The following PRRG2 variants were observed in gnomAD, a reference collection of about 807,000 sequenced individuals.
PRRG2 encodes the protein transmembrane gamma-carboxyglutamic acid protein 2.
PRRG2 carries 23 observed loss-of-function variants against 27.1 expected under a neutral mutation model. The ratio of observed to expected loss-of-function variants is 0.85; its 90% CI spans 0.61 to 1.20. The LOEUF is 1.20. Ranked by LOEUF, PRRG2 falls within the 50% of genes most tolerant of loss-of-function variation. The pLI is 0.00. For synonymous variants in PRRG2, 104 were observed against 103.4 expected (o/e 1.01, Z -0.03); for missense variants, 276 against 254.8 (o/e 1.08, Z -0.57).
Position 49,588,563 on chromosome 19 carries a change from T to C in PRRG2, c.368T>C (p.Leu123Pro), listed in dbSNP as rs970326314. 78 of 1,563,096 alleles carry C rather than the reference T, an allele frequency of 5.0e-5. No individual in the cohort carries two copies. Among genetic ancestry groups the C allele is most frequent in the Non-Finnish European group, 6.7e-5 (77 of 1,153,956 alleles). Residue 123 changes from leucine to proline, a missense_variant, in exon 5 of 7, where the codon CTG (leucine) becomes CCG (proline). By Grantham distance (98) the Leu-to-Pro change is moderately conservative (BLOSUM62 -3). Coordinates refer to ENST00000246794, the MANE Select transcript of PRRG2 (RefSeq NM_000951.3). The stretch of plus-strand genomic sequence containing the variant: ...ACAGGTGGCATCCTGCTCATTGTCC[T>C]GGCCGGCCTGGGAGCCTTTTGGTAT... ...GLTGGILLIV[L>P]AGLGAFWYLR...
At chr19:49,588,415 T>C in intron 4 of PRRG2, 82 bp from the exon 5 acceptor site, 1 of 1,522,434 alleles carries the variant, frequency 6.6e-7, no homozygotes, top group Non-Finnish European at 8.8e-7. Flanking sequence ...GTCCATTCTC[T>C]TCCCTCAGTG....
Position 49,588,731 on chromosome 19 carries a change from A to C in PRRG2, c.437+99A>C, listed in dbSNP as rs1252834791. The C allele has an allele frequency of 2.9e-6, 4 of 1,379,822 alleles. No homozygotes were observed. In the East Asian group the frequency reaches 1.1e-4, roughly 37 times the overall value. 85.5% of individuals were successfully genotyped at this position (1,379,822 alleles called of 1,614,324 possible). A position where few individuals can be genotyped will look rare whatever the true frequency, so the allele number is the denominator to read the frequency against. ...TGCTAAGGATTGGGGGCAGGCAGGC[A>C]CTGATGAAAGACCTAAGGACACAGT... On this transcript the variant is annotated intron_variant, in intron 5 of 6. Coordinates refer to ENST00000246794, the MANE Select transcript of PRRG2 (RefSeq NM_000951.3).
In PRRG2 at chr19:49,583,252, T is replaced by C. The variant is rs111259971; in HGVS notation, c.33T>C (p.Tyr11=). ...GCCACCCCTCTCTGCTGCTGCTATA[T>C]ATGGCATTAACCACCTGCCTGGATA... The part of the protein sequence containing the change: MRGHPSLLLL[Y]MALTTCLDTS... Residue 11 remains tyrosine (Y), a synonymous_variant, in exon 2 of 7, where the codon TAT becomes TAC. Coordinates refer to ENST00000246794, the MANE Select transcript of PRRG2 (RefSeq NM_000951.3). 1.2e-6 allele frequency: 2 copies of C among 1,614,152 alleles called. No homozygotes were observed. The highest frequency in any genetic ancestry group is 2.2e-5 in the South Asian group (2 of 91,082).
chr19:49,586,072 CAAAAAA>C (rs1171500009), intron 4 of PRRG2, among the ~76,000 whole-genome samples: 3 of 56,920 alleles, frequency 5.3e-5, no homozygotes, highest in Non-Finnish European at 9.9e-5. Flanking sequence ...AGAGTGTCTC[CAAAAAA>C]AAAAAAAAAA....
chr19:49,583,447 T>C, intron 2 of PRRG2, 95 bp from the exon 3 acceptor site: 1 of 1,526,460 alleles, frequency 6.6e-7, no homozygotes, highest in South Asian at 1.2e-5. Flanking sequence ...TCCCAGCCCC[T>C]GCTCCTTCCT....
chr19:49,586,917 C>T (rs1330522785), intron 4 of PRRG2, among the ~76,000 whole-genome samples: 1 of 152,104 alleles, frequency 6.6e-6, no homozygotes, highest in African/African-American at 2.4e-5. Context: ...AATCCCAGAA[C>T]TTTGGGAGGT....
Position 49,583,650 on chromosome 19 carries a change from G to T in PRRG2, c.194G>T (p.Arg65Leu), listed in dbSNP as rs148528739. 6.2e-7 allele frequency: 1 copy of T among 1,614,218 alleles called. No homozygotes were observed. Among genetic ancestry groups the T allele is most frequent in the Non-Finnish European group, 8.5e-7 (1 of 1,180,046 alleles). The change falls in exon 3 of 7, where the codon CGG becomes CTG. Residue 65 changes from arginine to leucine, a missense_variant. Transcript: ENST00000246794. The stretch of plus-strand genomic sequence containing the variant: ...CTGCTCACACCAGGGAACCTGGAAC[G>T]GGAGTGTCTGGAAGAGAGGTGTTCC... ...LELLTPGNLE[R>L]ECLEERCSWE...
chr19:49,587,561 C>T (rs1162733453), intron 4 of PRRG2, among the ~76,000 whole-genome samples: 2 of 149,664 alleles, frequency 1.3e-5, no homozygotes, highest in Non-Finnish European at 3.0e-5. Context: ...TCTCGGCTCA[C>T]TAAAACATCT....
chr19:49,589,426 C>CTTT (rs398059803), intron 5 of PRRG2, among the ~76,000 whole-genome samples: 3 of 132,356 alleles, frequency 2.3e-5, no homozygotes, highest in Non-Finnish European at 3.1e-5. Context: ...ACGCCTGGCC[C>CTTT]TTTTTTTTTT....
At chr19:49,587,589 C>T (rs1028601031) in intron 4 of PRRG2, among the ~76,000 whole-genome samples, 15 of 149,416 alleles carry the variant, frequency 1.0e-4, no homozygotes, top group African/African-American at 3.7e-4. Context: ...GGGTTCAAGT[C>T]ATTCGCCTGC....
In PRRG2 at chr19:49,589,446, TA is replaced by T. The variant is rs1489312333; in HGVS notation, c.438-447del. On this transcript the variant is annotated intron_variant, in intron 5 of 6. Coordinates refer to ENST00000246794, the MANE Select transcript of PRRG2 (RefSeq NM_000951.3). ...TGGCCCTTTTTTTTTTTTTTTTTTTTAAAAAAAGACAAAGTCTCACTCTGTT... is the reference window on the plus strand; with the variant it reads ...TGGCCCTTTTTTTTTTTTTTTTTTTTAAAAAAGACAAAGTCTCACTCTGTT... 6.8e-4 allele frequency among the ~76,000 whole-genome samples: 80 copies of T among 116,898 alleles called. 2 individuals are homozygous for T. Among genetic ancestry groups the T allele is most frequent in the African/African-American group, 1.5e-3 (36 of 24,070 alleles). The allele number at this position is 116,898 out of a possible 152,430, so 76.7% of individuals were successfully genotyped here. A position where few individuals can be genotyped will look rare whatever the true frequency, so the allele number is the denominator to read the frequency against.
rs376028949 is a variant in PRRG2 at position 49,585,306 on chromosome 19, G to A, written c.301+1354G>A. Among the ~76,000 whole-genome samples, 23 of 152,332 alleles carry A rather than the reference G, an allele frequency of 1.5e-4. No individual in the cohort carries two copies. In the South Asian group the frequency reaches 4.3e-3, roughly 29 times the overall value. On this transcript the variant is annotated intron_variant, in intron 4 of 6. Coordinates refer to ENST00000246794, the MANE Select transcript of PRRG2 (RefSeq NM_000951.3). ...CCCCCTTGTGGCCCGGTTGCTAGGG[G>A]TAGCTGCACCTTAGCAACAGGCCTA...
At chr19:49,580,682 T>G (rs1172783050), upstream of PRRG2, 2 of 152,192 alleles carry the variant, frequency 1.3e-5, no homozygotes, top group African/African-American at 4.8e-5. Flanking sequence ...TCAAGTCCTC[T>G]CTTCTCTTTC....
In PRRG2 at chr19:49,583,735, C is replaced by T; in HGVS notation, c.261+18C>T. 6.2e-7 allele frequency: 1 copy of T among 1,612,616 alleles called. No individual in the cohort carries two copies. Among genetic ancestry groups the T allele is most frequent in the Non-Finnish European group, 8.5e-7 (1 of 1,179,062 alleles). ...CTCTCACGGTGAGGGCCTCGAGACCCTGGAGTTTCGGGCCCTCTCTCTTCT... is the reference window on the plus strand; with the variant it reads ...CTCTCACGGTGAGGGCCTCGAGACCTTGGAGTTTCGGGCCCTCTCTCTTCT... On this transcript the variant is annotated intron_variant, in intron 3 of 6. Coordinates refer to ENST00000246794, the MANE Select transcript of PRRG2 (RefSeq NM_000951.3).
At chr19:49,588,655 G>A (rs753901425) in intron 5 of PRRG2, 23 bp downstream of exon 5, 11 of 1,517,446 alleles carry the variant, frequency 7.2e-6, no homozygotes, top group African/African-American at 1.4e-5. Flanking sequence ...CAGCGAGGAG[G>A]GGGTGGTGGT....
intron 6 of PRRG2, 36 bp from the exon 7 acceptor site, chr19:49,590,335 G>A: frequency 5.0e-6 from 8 of 1,614,080 alleles, no homozygotes; most frequent in Non-Finnish European, 6.8e-6. Flanking sequence ...AAAACAGCCA[G>A]ATCTTTGACT....
intron 1 of PRRG2, among the ~76,000 whole-genome samples, 185 bp from the exon 2 acceptor site, chr19:49,583,022 C>A (rs1187916628): frequency 6.6e-6 from 1 of 150,406 alleles, no homozygotes; most frequent in Non-Finnish European, 1.5e-5. Context: ...CAGAGCGAGA[C>A]TCCATGTCAA....
chr19:49,582,247 A>G (rs905336397), intron 1 of PRRG2, among the ~76,000 whole-genome samples: 3 of 149,766 alleles, frequency 2.0e-5, no homozygotes, highest in African/African-American at 7.4e-5. Flanking sequence ...TCTAAAAAAA[A>G]AAAAAAAAAA....
At position 49,589,914 on chromosome 19, in the gene PRRG2, G is replaced by T; in HGVS notation, c.452G>T (p.Ser151Ile). Residue 151 changes from serine to isoleucine, a missense_variant, in exon 6 of 7, where the codon AGC becomes ATC. Transcript: ENST00000246794. ...GCTGTCCCCAGGGCCGGGCTCATTAGCCCTCTGAGTCCTTTGAACCCTCTG... is the reference window on the plus strand; with the variant it reads ...GCTGTCCCCAGGGCCGGGCTCATTATCCCTCTGAGTCCTTTGAACCCTCTG... Reference protein sequence around the residue: ...QPCPQEAGLISPLSPLNPLGP... With the variant: ...QPCPQEAGLIIPLSPLNPLGP... The T allele has an allele frequency of 6.2e-7, 1 of 1,612,870 alleles. No individual in the cohort carries two copies. Among genetic ancestry groups the T allele is most frequent in the Admixed American group, 1.7e-5 (1 of 60,000 alleles).
Sources: gnomAD v4.1 joint callset for allele counts (sites outside exome capture counted in the v4.1 genomes callset) on GRCh38, gnomAD v4.1.1 for gene constraint, MANE v1.5 for transcripts, NCBI Gene and HGNC (gene_info 2026-07-23, HGNC 2026-07-21) for gene names.